The following ANTXRL variants were observed in gnomAD, a reference collection of about 807,000 sequenced individuals.
ANTXRL encodes ANTXR like.
Under a neutral mutation model 75.4 loss-of-function variants are expected in ANTXRL, and 63 were observed. The ratio of observed to expected loss-of-function variants is 0.84; its 90% CI spans 0.68 to 1.03. ANTXRL has a LOEUF of 1.03. Among genes scored for constraint, ANTXRL ranks in the 50% least tolerant of loss-of-function variants. ANTXRL has a pLI of 0.00. For synonymous variants in ANTXRL, 335 were observed against 291.3 expected (o/e 1.15, Z -1.53); for missense variants, 797 against 789.4 (o/e 1.01, Z -0.12).
At chr10:46,288,752 C>A (rs1356653633) in intron 1 of ANTXRL, among the ~76,000 whole-genome samples, 1 of 152,134 alleles carries the variant, frequency 6.6e-6, no homozygotes, top group Admixed American at 6.5e-5. Context: ...GATGAAGGGA[C>A]CTGCCAGGCA....
chr10:46,306,728 T>C (rs1838112307), intron 10 of ANTXRL, 75 bp from the exon 11 acceptor site: 1 of 1,309,298 alleles, frequency 7.6e-7, no homozygotes, highest in South Asian at 1.5e-5. Flanking sequence ...CAGCCCTGCA[T>C]GCTGAGGACA....
chr10:46,329,336 C>G (rs141902039), intron 16 of ANTXRL, among the ~76,000 whole-genome samples: 1 of 152,086 alleles, frequency 6.6e-6, no homozygotes. Context: ...CAAACAATTT[C>G]GACTGGAGGG....
At chr10:46,307,330 C>A in intron 11 of ANTXRL, 72 bp from the exon 12 acceptor site, 1 of 1,085,762 alleles carries the variant, frequency 9.2e-7, no homozygotes, top group Non-Finnish European at 1.4e-6. Context: ...CCTCTCATTA[C>A]CCATGCTGTC....
intron 9 of ANTXRL, among the ~76,000 whole-genome samples, chr10:46,300,126 G>A (rs1222334032): frequency 1.3e-5 from 2 of 152,210 alleles, no homozygotes; most frequent in African/African-American, 2.4e-5. Flanking sequence ...GCTGAGTCGA[G>A]GTGGCAGGTG....
At chr10:46,317,407 T>C (rs1554964874) in intron 16 of ANTXRL, among the ~76,000 whole-genome samples, 1 of 152,162 alleles carries the variant, frequency 6.6e-6, no homozygotes, top group Non-Finnish European at 1.5e-5. Flanking sequence ...AAATTCGTAC[T>C]CATGTTTGCT....
intron 15 of ANTXRL, among the ~76,000 whole-genome samples, chr10:46,313,019 G>T (rs1838517569): frequency 6.6e-6 from 1 of 152,128 alleles, no homozygotes; most frequent in Admixed American, 6.5e-5. Flanking sequence ...TCTTCCTTCA[G>T]CAAAATACTG....
chr10:46,298,442 G>T (rs72790471), intron 9 of ANTXRL, among the ~76,000 whole-genome samples: 5,234 of 151,712 alleles, frequency 0.034, 121 homozygotes, highest in Non-Finnish European at 0.053. Flanking sequence ...TGTATTGTGG[G>T]GTGTATGTTG....
intron 2 of ANTXRL, among the ~76,000 whole-genome samples, chr10:46,292,434 C>T (rs1194613178): frequency 2.0e-5 from 3 of 152,100 alleles, no homozygotes; most frequent in Non-Finnish European, 2.9e-5. Flanking sequence ...AGTCCTGGAA[C>T]TCCGAGTTGC....
chr10:46,313,831 G>A (rs1838572020), intron 16 of ANTXRL, among the ~76,000 whole-genome samples: 1 of 152,180 alleles, frequency 6.6e-6, no homozygotes, highest in East Asian at 1.9e-4. Flanking sequence ...GGGGACAAAA[G>A]TGCTGAGATA....
intron 14 of ANTXRL, 92 bp downstream of exon 14, chr10:46,310,591 C>G (rs1554963235): frequency 7.5e-7 from 1 of 1,333,458 alleles, no homozygotes; most frequent in East Asian, 2.5e-5. Context: ...CCCATGATCT[C>G]CATCTGCTTG....
At chr10:46,308,069 C>T (rs1333441278) in intron 12 of ANTXRL, among the ~76,000 whole-genome samples, 8 of 152,142 alleles carry the variant, frequency 5.3e-5, no homozygotes, top group Non-Finnish European at 1.2e-4. Flanking sequence ...GGCAGTTTGG[C>T]CCAGGGCCGC....
chr10:46,321,121 G>C lies in ANTXRL; in HGVS notation c.1410+7805G>C, dbSNP rs551616026. Among the ~76,000 whole-genome samples, 13 of 152,250 alleles carry C rather than the reference G, an allele frequency of 8.5e-5. No homozygotes were observed. In the South Asian group the frequency reaches 2.5e-3, roughly 29 times the overall value. Reference sequence around the variant, plus strand: ...TTTCAAGGTGATTCTCTTTGGGAACGTAGACACTGGCATTAATGGAATTGT... The same window carrying C: ...TTTCAAGGTGATTCTCTTTGGGAACCTAGACACTGGCATTAATGGAATTGT... On this transcript the variant is annotated intron_variant, in intron 16 of 16. Transcript: ENST00000620264.
At chr10:46,313,094 C>G in intron 15 of ANTXRL, 142 bp from the exon 16 acceptor site, 1 of 750,168 alleles carries the variant, frequency 1.3e-6, no homozygotes, top group East Asian at 2.7e-5. Flanking sequence ...ACAAGGCTGC[C>G]AGGCCCCTCC....
intron 12 of ANTXRL, among the ~76,000 whole-genome samples, chr10:46,307,715 C>T (rs1369764770): frequency 6.6e-6 from 1 of 152,098 alleles, no homozygotes; most frequent in Non-Finnish European, 1.5e-5. Flanking sequence ...GCCCAGGAGC[C>T]CTGGAGGATT....
chr10:46,290,254 G>A (rs1211180365), intron 1 of ANTXRL, among the ~76,000 whole-genome samples: 1 of 151,934 alleles, frequency 6.6e-6, no homozygotes, highest in Admixed American at 6.6e-5. Context: ...ATATTGGACA[G>A]GTTGGTCTTG....
At chr10:46,312,582 G>A (rs1838491614) in intron 15 of ANTXRL, among the ~76,000 whole-genome samples, 2 of 145,018 alleles carry the variant, frequency 1.4e-5, no homozygotes, top group African/African-American at 5.1e-5. Flanking sequence ...ATCTGGGGAA[G>A]CCAGGCCTGT....
intron 12 of ANTXRL, among the ~76,000 whole-genome samples, chr10:46,307,719 G>C (rs1275479043): frequency 6.6e-6 from 1 of 152,122 alleles, no homozygotes; most frequent in East Asian, 1.9e-4. Context: ...AGGAGCCCTG[G>C]AGGATTCCAC....
chr10:46,287,081 T>C lies in ANTXRL; in HGVS notation c.-182T>C. 1.3e-6 allele frequency: 1 copy of C among 766,082 alleles called. No homozygotes were observed. The highest frequency in any genetic ancestry group is 2.0e-6 in the Non-Finnish European group (1 of 490,470). 47.5% of individuals were successfully genotyped at this position (766,082 alleles called of 1,614,324 possible). ...GTCTCCCAGAGCCAGCTGCTGACCC[T>C]AGTCCCTGCGATCTGGGGAGGTACC... is the stretch of plus-strand genomic sequence containing the variant. On this transcript the variant is annotated 5_prime_UTR_variant, in exon 1 of 17. Transcript: ENST00000620264.
intron 16 of ANTXRL, among the ~76,000 whole-genome samples, chr10:46,316,730 CAAAT>C (rs1407033475): frequency 6.6e-6 from 1 of 152,100 alleles, no homozygotes; most frequent in Non-Finnish European, 1.5e-5. Flanking sequence ...GGCAGGTCCT[CAAAT>C]AACGTTTCAT....
Sources: gnomAD v4.1 joint callset for allele counts (sites outside exome capture counted in the v4.1 genomes callset) on GRCh38, gnomAD v4.1.1 for gene constraint, MANE v1.5 for transcripts, NCBI Gene and HGNC (gene_info 2026-07-23, HGNC 2026-07-21) for gene names.